Variants in FBXO7 observed in about 807,000 individuals in gnomAD.
The protein encoded by FBXO7 is F-box only protein 7.
A neutral mutation model predicts 50.2 loss-of-function variants in FBXO7; 31 were observed. The observed-to-expected ratio is 0.62, with a 90% CI of 0.46 to 0.83. FBXO7 has a LOEUF of 0.83. FBXO7 is among the 40% of genes least tolerant of loss of function. FBXO7 has a pLI of 0.00. For missense variants in FBXO7, 667 were observed against 646.6 expected (o/e 1.03, Z -0.34); for synonymous variants, 256 against 253.1 (o/e 1.01, Z -0.11).
chr22:32,475,161 TG>T, intron 1 of FBXO7, 37 bp downstream of exon 1: 1 of 1,409,340 alleles, frequency 7.1e-7, no homozygotes. Flanking sequence ...CCGCGGGGAG[TG>T]GGGAGTGCTT....
intron 6 of FBXO7, chr22:32,492,245 G>A (rs566345756): frequency 3.9e-5 from 6 of 152,146 alleles, no homozygotes; most frequent in Non-Finnish European, 7.3e-5. Context: ...TAAGTAAAAC[G>A]TTTTTGGTGT....
chr22:32,493,124 A>G lies in FBXO7; in HGVS notation c.987A>G (p.Val329=), dbSNP rs761014790. Residue 329 remains valine, a synonymous_variant, in exon 7 of 9, where the codon GTA becomes GTG. Coordinates refer to ENST00000266087, the MANE Select transcript of FBXO7 (RefSeq NM_012179.4). ...FTRQALNLPD[V]FGLVVLPLEL... ...TTTTAGCACTGAACCTACCAGATGT[A>G]TTTGGGTTGGTCGTCCTCCCATTGG... 8.7e-6 allele frequency: 14 copies of G among 1,613,990 alleles called. No homozygotes were observed. The highest frequency in any genetic ancestry group is 1.7e-5 in the Admixed American group (1 of 60,006).
intron 8 of FBXO7, among the ~76,000 whole-genome samples, chr22:32,496,598 A>C (rs1191302821): frequency 6.6e-6 from 1 of 152,212 alleles, no homozygotes; most frequent in Non-Finnish European, 1.5e-5. Context: ...GGTTTACTGA[A>C]TATTTCAAGT....
chr22:32,496,049 T>C (rs1181186815), intron 8 of FBXO7, among the ~76,000 whole-genome samples: 3 of 152,222 alleles, frequency 2.0e-5, no homozygotes, highest in African/African-American at 4.8e-5. Context: ...AGACGCCATC[T>C]ATTTCATAGC....
intron 1 of FBXO7, 60 bp from the exon 2 acceptor site, chr22:32,478,921 T>C (rs2057445358): frequency 4.9e-6 from 7 of 1,424,942 alleles, no homozygotes; most frequent in Non-Finnish European, 6.9e-6. Flanking sequence ...GCTTCAGATG[T>C]GCTATTGAAG....
rs2057417696 is a variant in FBXO7, at chr22:32,475,109, G to C, written c.107G>C (p.Cys36Ser). Residue 36 changes from cysteine (C) to serine (S), a missense_variant, in exon 1 of 9, where the codon TGC becomes TCC. Physicochemically the swap from Cys to Ser is moderately radical, Grantham distance 112. Transcript: ENST00000266087. The stretch of plus-strand genomic sequence containing the variant: ...TCGCACCTGAGGCAGTCCCTGCTGT[G>C]CACCTGGGGGTACAGGTACGCTGGG... ...LRSHLRQSLL[C>S]TWGYSSNTRF... 6.5e-7 allele frequency: 1 copy of C among 1,544,932 alleles called. No homozygotes were observed. The highest frequency in any genetic ancestry group is 8.7e-7 in the Non-Finnish European group (1 of 1,145,502).
intron 7 of FBXO7, among the ~76,000 whole-genome samples, chr22:32,493,604 C>T (rs2057552935): frequency 3.9e-5 from 6 of 152,202 alleles, no homozygotes; most frequent in Admixed American, 3.9e-4. Flanking sequence ...GAACTGCTTT[C>T]ATGGTTGAGA....
At chr22:32,487,879 T>C (rs758479912) in intron 5 of FBXO7, 51 bp downstream of exon 5, 1 of 1,145,708 alleles carries the variant, frequency 8.7e-7, no homozygotes, top group South Asian at 1.3e-5. Flanking sequence ...GAAATTCATA[T>C]AAGAAAAAAA....
chr22:32,488,985 T>A (rs527871742), intron 5 of FBXO7: 2 of 152,148 alleles, frequency 1.3e-5, no homozygotes, highest in Admixed American at 6.5e-5. Context: ...AATTTTTTTT[T>A]ATTTTTAGTA....
Position 32,498,144 on chromosome 22 carries a change from C to T in FBXO7, c.1183C>T (p.Leu395=), listed in dbSNP as rs1328083173. ...TCTTTTATTTTTCTTTTTTCTACAG[C>T]TGTACAGGAAGAGGCACATACAAAG... is the stretch of plus-strand genomic sequence containing the variant. The part of the protein sequence containing the change: ...VRVQDTDWKE[L]YRKRHIQRKE... The change falls in exon 9 of 9, where the codon CTG becomes TTG. Residue 395 remains leucine (L), a splice_region_variant and synonymous_variant. Coordinates refer to ENST00000266087, the MANE Select transcript of FBXO7 (RefSeq NM_012179.4). 5.6e-6 allele frequency: 9 copies of T among 1,614,076 alleles called. No homozygotes were observed. The highest frequency in any genetic ancestry group is 1.3e-5 in the African/African-American group (1 of 75,044).
chr22:32,487,563 T>A, intron 4 of FBXO7, 182 bp from the exon 5 acceptor site: 1 of 565,012 alleles, frequency 1.8e-6, no homozygotes, highest in Non-Finnish European at 3.2e-6. Flanking sequence ...TTTTACTTCA[T>A]GTGATGCCAG....
chr22:32,484,792 G>C (rs1210642626), intron 3 of FBXO7, among the ~76,000 whole-genome samples: 2 of 152,146 alleles, frequency 1.3e-5, no homozygotes, highest in Non-Finnish European at 2.9e-5. Context: ...GGAGAGAAGT[G>C]AGTCTTTGAA....
At chr22:32,494,448 C>CA (rs1365918998) in intron 7 of FBXO7, among the ~76,000 whole-genome samples, 1 of 152,072 alleles carries the variant, frequency 6.6e-6, no homozygotes, top group Non-Finnish European at 1.5e-5. Context: ...TCAAGTGATC[C>CA]TCCCTCCTCA....
chr22:32,492,169 A>G (rs575615994), intron 6 of FBXO7: 16 of 152,332 alleles, frequency 1.1e-4, no homozygotes, highest in African/African-American at 3.4e-4. Context: ...CAATTCTCCA[A>G]CTAGTAGGTA....
intron 4 of FBXO7, among the ~76,000 whole-genome samples, chr22:32,486,020 A>G (rs1246629138): frequency 2.6e-5 from 4 of 152,156 alleles, no homozygotes; most frequent in Non-Finnish European, 5.9e-5. Flanking sequence ...TTTATTCAGT[A>G]TAGCTCATCT....
At chr22:32,490,777 T>C (rs972878095) in intron 5 of FBXO7, 17 of 358,210 alleles carry the variant, frequency 4.7e-5, no homozygotes, top group African/African-American at 3.6e-4. Context: ...CAGAACAGAT[T>C]GATAGCTATC....
At chr22:32,479,401 C>CTTT in intron 2 of FBXO7, 126 bp downstream of exon 2, 178 of 573,028 alleles carry the variant, frequency 3.1e-4, no homozygotes, top group Middle Eastern at 5.0e-4. Flanking sequence ...ATATTTTTTT[C>CTTT]TTTTTTTTTT....
intron 4 of FBXO7, among the ~76,000 whole-genome samples, chr22:32,485,538 T>G (rs1344916021): frequency 6.6e-6 from 1 of 152,210 alleles, no homozygotes; most frequent in East Asian, 1.9e-4. Context: ...CTATTACACA[T>G]GAACTCCTTG....
Position 32,498,295 on chromosome 22 carries a change from G to A in FBXO7, c.1334G>A (p.Gly445Glu), listed in dbSNP as rs1462019266. The change falls in exon 9 of 9, where the codon GGG becomes GAG. Residue 445 changes from glycine (G) to glutamate (E), a missense_variant. Gly to Glu is a moderately conservative substitution (Grantham distance 98, BLOSUM62 -2). Coordinates refer to ENST00000266087, the MANE Select transcript of FBXO7 (RefSeq NM_012179.4). ...TCCCGCCTTCCTCCAGGAATTATCGGGGGTGAATATGACCAAAGACCAACA... is the reference window on the plus strand; with the variant it reads ...TCCCGCCTTCCTCCAGGAATTATCGAGGGTGAATATGACCAAAGACCAACA... ...PSSRLPPGII[G>E]GEYDQRPTLP... 2 of 1,613,974 alleles carry A rather than the reference G, an allele frequency of 1.2e-6. No individual in the cohort carries two copies. Among genetic ancestry groups the A allele is most frequent in the Non-Finnish European group, 8.5e-7 (1 of 1,180,034 alleles).
Sources: gnomAD v4.1 joint callset for allele counts (sites outside exome capture counted in the v4.1 genomes callset) on GRCh38, gnomAD v4.1.1 for gene constraint, MANE v1.5 for transcripts, NCBI Gene and HGNC (gene_info 2026-07-23, HGNC 2026-07-21) for gene names.